Variants in TSC22D1 observed in about 807,000 individuals in gnomAD.
TSC22D1 encodes TSC22 domain family protein 1.
A neutral mutation model predicts 74.2 loss-of-function variants in TSC22D1; 9 were observed. The observed-to-expected ratio is 0.12, with a 90% CI of 0.07 to 0.21. The LOEUF is 0.21. Among genes scored for constraint, TSC22D1 ranks in the 10% least tolerant of loss-of-function variants. The probability of loss-of-function intolerance (pLI) is 1.00; values close to 1 mark genes in which losing one functional copy is unlikely to be tolerated. For synonymous variants in TSC22D1, 586 were observed against 492.5 expected (o/e 1.19, Z -2.51); for missense variants, 1,427 against 1,304.7 (o/e 1.09, Z -1.44).
At chr13:44,468,875 C>T (rs1441954324) in intron 1 of TSC22D1, among the ~76,000 whole-genome samples, 2 of 133,536 alleles carry the variant, frequency 1.5e-5, no homozygotes, top group African/African-American at 5.1e-5. Context: ...TTTTATATAA[C>T]ATAGTTTTTT....
At chr13:44,484,534 G>A (rs182789893) in intron 1 of TSC22D1, among the ~76,000 whole-genome samples, 47 of 152,306 alleles carry the variant, frequency 3.1e-4, no homozygotes, top group Non-Finnish European at 1.5e-4. Flanking sequence ...GCATAGCTGT[G>A]TATTATTATC....
At chr13:44,448,386 A>G (rs557250433) in intron 1 of TSC22D1, among the ~76,000 whole-genome samples, 1 of 152,332 alleles carries the variant, frequency 6.6e-6, no homozygotes, top group East Asian at 1.9e-4. Flanking sequence ...CTATGCATAC[A>G]GAGCCACTTA....
chr13:44,550,217 C>G (rs1882138118), intron 1 of TSC22D1, among the ~76,000 whole-genome samples: 1 of 152,112 alleles, frequency 6.6e-6, no homozygotes, highest in Admixed American at 6.5e-5. Context: ...AAAGCCACAA[C>G]GGATCTTAGT....
At chr13:44,435,294 C>G (rs1051315948) in intron 2 of TSC22D1, 1 of 168,534 alleles carries the variant, frequency 5.9e-6, no homozygotes, top group African/African-American at 2.4e-5. Flanking sequence ...CAGTTCCTAC[C>G]GAACATGTTG....
intron 1 of TSC22D1, 91 bp downstream of exon 1, chr13:44,573,072 T>C (rs1373182028): frequency 5.4e-6 from 8 of 1,475,752 alleles, no homozygotes; most frequent in South Asian, 1.4e-5. Flanking sequence ...CAATATACAA[T>C]GTTTTAGAGT....
chr13:44,507,841 G>A (rs1051569248), intron 1 of TSC22D1, among the ~76,000 whole-genome samples: 3 of 152,194 alleles, frequency 2.0e-5, no homozygotes, highest in Admixed American at 1.3e-4. Flanking sequence ...ATATAATTCA[G>A]CATGATAAAT....
intron 1 of TSC22D1, among the ~76,000 whole-genome samples, chr13:44,439,124 G>A (rs1299111208): frequency 1.3e-5 from 2 of 152,138 alleles, no homozygotes; most frequent in Admixed American, 6.5e-5. Context: ...AGCAAGAGAA[G>A]CAAATATAAG....
chr13:44,520,026 A>T (rs1880234796), intron 1 of TSC22D1, among the ~76,000 whole-genome samples: 1 of 152,228 alleles, frequency 6.6e-6, no homozygotes, highest in East Asian at 1.9e-4. Flanking sequence ...AAATTCATAA[A>T]GCATGTTTGA....
At chr13:44,499,808 C>T (rs1331906103) in intron 1 of TSC22D1, among the ~76,000 whole-genome samples, 1 of 152,118 alleles carries the variant, frequency 6.6e-6, no homozygotes, top group Non-Finnish European at 1.5e-5. Flanking sequence ...CACAGCTAGC[C>T]GGGTGCAGTG....
intron 1 of TSC22D1, among the ~76,000 whole-genome samples, chr13:44,552,611 CT>C (rs746391844): frequency 7.9e-5 from 12 of 152,242 alleles, no homozygotes; most frequent in Non-Finnish European, 1.5e-4. Context: ...TCTTTAACAT[CT>C]GCCAGATCTC....
At chr13:44,550,633 T>C (rs1355907943) in intron 1 of TSC22D1, among the ~76,000 whole-genome samples, 1 of 151,076 alleles carries the variant, frequency 6.6e-6, no homozygotes, top group African/African-American at 2.4e-5. Flanking sequence ...CTAGTGTACA[T>C]TCCCTTCAGT....
chr13:44,574,267 G>A lies in TSC22D1; in HGVS notation c.1808C>T (p.Pro603Leu), dbSNP rs1227633885. 3 of 1,614,068 alleles carry A rather than the reference G, an allele frequency of 1.9e-6. No homozygotes were observed. The highest frequency in any genetic ancestry group is 2.5e-6 in the Non-Finnish European group (3 of 1,180,040). The change falls in exon 1 of 3, where the codon CCC becomes CTC. Residue 603 changes from proline (P) to leucine (L), a missense_variant. Coordinates refer to ENST00000458659, the MANE Select transcript of TSC22D1 (RefSeq NM_183422.4). ...AGCCGCCTGAGAATATGGTAGCTGG[G>A]GTTGAGCCAAACTGGAAATGGAAGG... Reference protein sequence around the residue: ...QQPSISSLAQPQLPYSQAAPP... With the variant: ...QQPSISSLAQLQLPYSQAAPP...
intron 1 of TSC22D1, among the ~76,000 whole-genome samples, chr13:44,455,545 T>C (rs1876516827): frequency 1.3e-5 from 2 of 152,248 alleles, no homozygotes; most frequent in Non-Finnish European, 2.9e-5. Flanking sequence ...TCTTCAAGAA[T>C]TATTTTGGGA....
At chr13:44,568,635 C>A (rs1883539460) in intron 1 of TSC22D1, among the ~76,000 whole-genome samples, 6 of 152,228 alleles carry the variant, frequency 3.9e-5, no homozygotes, top group Admixed American at 3.9e-4. Context: ...CCATGGCCAG[C>A]CCCACACTGC....
intron 1 of TSC22D1, among the ~76,000 whole-genome samples, chr13:44,563,121 T>C (rs1883154867): frequency 6.6e-6 from 1 of 151,852 alleles, no homozygotes; most frequent in African/African-American, 2.4e-5. Context: ...AAAAAAAAAT[T>C]AAATTGCCAA....
chr13:44,560,061 G>A (rs1375453648), intron 1 of TSC22D1, among the ~76,000 whole-genome samples: 3 of 152,048 alleles, frequency 2.0e-5, no homozygotes, highest in Non-Finnish European at 4.4e-5. Context: ...TGGCTTGGTT[G>A]TCAATTTCTA....
chr13:44,536,884 C>T, intron 1 of TSC22D1: 2 of 976,348 alleles, frequency 2.0e-6, no homozygotes, highest in South Asian at 9.5e-5. Context: ...ACTGGTGACC[C>T]CCACGAAGAA....
At chr13:44,535,201 T>C (rs771685837) in intron 1 of TSC22D1, among the ~76,000 whole-genome samples, 32 of 152,018 alleles carry the variant, frequency 2.1e-4, no homozygotes, top group Non-Finnish European at 4.1e-4. Context: ...ATTAAACATA[T>C]TTTGAATATT....
At chr13:44,484,162 G>C (rs1378168324) in intron 1 of TSC22D1, among the ~76,000 whole-genome samples, 1 of 152,052 alleles carries the variant, frequency 6.6e-6, no homozygotes, top group Non-Finnish European at 1.5e-5. Context: ...GAAAAAAGTA[G>C]GAACAGGTTT....
Sources: gnomAD v4.1 joint callset for allele counts (sites outside exome capture counted in the v4.1 genomes callset) on GRCh38, gnomAD v4.1.1 for gene constraint, MANE v1.5 for transcripts, NCBI Gene and HGNC (gene_info 2026-07-23, HGNC 2026-07-21) for gene names.